The following BICD1 variants were observed in gnomAD, a reference collection of about 807,000 sequenced individuals.
The protein encoded by BICD1 is BICD cargo adaptor 1.
A neutral mutation model predicts 92.5 loss-of-function variants in BICD1; 35 were observed. The observed-to-expected ratio is 0.38, with a 90% CI of 0.29 to 0.50. The LOEUF is 0.50. Ranked by LOEUF, BICD1 falls within the 20% of genes least tolerant of loss-of-function variation. The probability of loss-of-function intolerance (pLI) is 0.93; values close to 1 mark genes in which losing one functional copy is unlikely to be tolerated. For missense variants in BICD1, 950 were observed against 1,189.8 expected, an observed-to-expected ratio of 0.80 and a Z score of 2.97; for synonymous variants, 429 against 465.1, an observed-to-expected ratio of 0.92 and a Z score of 1.00.
intron 1 of BICD1, among the ~76,000 whole-genome samples, chr12:32,135,061 C>CCTCCCCTCCCCCT (rs1163492446): frequency 8.0e-6 from 1 of 125,188 alleles, no homozygotes; most frequent in African/African-American, 3.1e-5. Flanking sequence ...CCTCCATTCC[C>CCTCCCCTCCCCCT]CTCCCCTCCC....
At chr12:32,168,958 A>G (rs894958085) in intron 1 of BICD1, among the ~76,000 whole-genome samples, 3 of 13,306 alleles carry the variant, frequency 2.3e-4, no homozygotes, top group Non-Finnish European at 2.7e-4. Flanking sequence ...GCGAAACTTC[A>G]TCTCAAACAA....
chr12:32,357,053 C>T (rs1939142853), intron 8 of BICD1, among the ~76,000 whole-genome samples: 1 of 145,158 alleles, frequency 6.9e-6, no homozygotes, highest in Non-Finnish European at 1.5e-5. Context: ...CTCTTGTTGC[C>T]CAAGCTGGAG....
intron 2 of BICD1, among the ~76,000 whole-genome samples, chr12:32,229,178 G>C (rs1025577887): frequency 3.3e-5 from 5 of 152,174 alleles, no homozygotes; most frequent in African/African-American, 1.2e-4. Flanking sequence ...TTGAACCCGG[G>C]AGGTGGAGGT....
chr12:32,111,732 G>A (rs920094454), intron 1 of BICD1, among the ~76,000 whole-genome samples: 1 of 150,508 alleles, frequency 6.6e-6, no homozygotes, highest in South Asian at 2.1e-4. Context: ...CTCAGCCTCC[G>A]GAGTAGCTGA....
intron 4 of BICD1, among the ~76,000 whole-genome samples, chr12:32,321,571 A>C (rs1314175434): frequency 6.6e-6 from 1 of 152,220 alleles, no homozygotes; most frequent in Non-Finnish European, 1.5e-5. Flanking sequence ...TCACTACAGA[A>C]GATTATAATA....
intron 4 of BICD1, among the ~76,000 whole-genome samples, chr12:32,326,395 T>G (rs1350946538): frequency 6.6e-6 from 1 of 152,242 alleles, no homozygotes; most frequent in Non-Finnish European, 1.5e-5. Flanking sequence ...CAATTTCTTA[T>G]ATACCTATGT....
intron 2 of BICD1, among the ~76,000 whole-genome samples, chr12:32,240,707 T>C (rs1946212935): frequency 6.6e-6 from 1 of 152,182 alleles, no homozygotes; most frequent in African/African-American, 2.4e-5. Context: ...TGGGGACCAA[T>C]ACTCAGCCAC....
intron 2 of BICD1, among the ~76,000 whole-genome samples, chr12:32,221,120 C>G (rs1306278810): frequency 6.6e-6 from 1 of 150,382 alleles, no homozygotes; most frequent in Non-Finnish European, 1.5e-5. Flanking sequence ...GGAGGGATAT[C>G]TTTAGGAGAT....
intron 8 of BICD1, among the ~76,000 whole-genome samples, chr12:32,351,898 G>C (rs1250058696): frequency 6.9e-6 from 1 of 145,800 alleles, no homozygotes; most frequent in East Asian, 2.0e-4. Context: ...TACAGAGCGA[G>C]ACTCTGTCTC....
At chr12:32,369,812 T>A (rs964477536) in intron 9 of BICD1, among the ~76,000 whole-genome samples, 1 of 151,932 alleles carries the variant, frequency 6.6e-6, no homozygotes, top group Non-Finnish European at 1.5e-5. Flanking sequence ...AAGCTGAGGT[T>A]GGAGGGTCAC....
intron 1 of BICD1, among the ~76,000 whole-genome samples, chr12:32,199,633 A>G (rs920621462): frequency 6.6e-6 from 1 of 152,224 alleles, no homozygotes; most frequent in Non-Finnish European, 1.5e-5. Context: ...ATCTAAAGAC[A>G]TAAGTGATTA....
intron 2 of BICD1, among the ~76,000 whole-genome samples, chr12:32,258,920 G>A (rs544865891): frequency 3.9e-5 from 6 of 152,184 alleles, no homozygotes; most frequent in Non-Finnish European, 5.9e-5. Flanking sequence ...GATGACTGCG[G>A]GCAGGAATGG....
chr12:32,189,364 A>G (rs7316211), intron 1 of BICD1, among the ~76,000 whole-genome samples: 114,342 of 152,100 alleles, frequency 0.75, 43,061 homozygotes, highest in Admixed American at 0.79. Flanking sequence ...TAACCAGCCT[A>G]TGGTAATGTC....
chr12:32,339,599 T>C, intron 8 of BICD1: 4 of 985,370 alleles, frequency 4.1e-6, no homozygotes, highest in Non-Finnish European at 3.6e-6. Context: ...TTCCTTCCTT[T>C]CATTCTTTTT....
intron 2 of BICD1, among the ~76,000 whole-genome samples, chr12:32,269,978 C>G (rs1947093883): frequency 6.6e-6 from 1 of 151,754 alleles, no homozygotes; most frequent in Non-Finnish European, 1.5e-5. Context: ...AAAAATTAGC[C>G]AGGCGTGGTG....
At chr12:32,333,054 A>G in intron 5 of BICD1, 11 of 985,250 alleles carry the variant, frequency 1.1e-5, no homozygotes, top group Non-Finnish European at 1.3e-5. Context: ...ATGATTTTGT[A>G]TTTCTGTTTC....
chr12:32,343,360 T>TTCC (rs550977373), intron 8 of BICD1, among the ~76,000 whole-genome samples: 6 of 152,006 alleles, frequency 3.9e-5, no homozygotes, highest in Non-Finnish European at 7.4e-5. Context: ...CCGTCCCCTC[T>TTCC]TCCTCCTCCT....
rs1279120028 is a variant in BICD1, at chr12:32,348,751, T to A, written c.2764+9772T>A. ...ATATATATATATATATATATATATA[T>A]ATATATATATATATATATATATATA... On this transcript the variant is annotated intron_variant, in intron 8 of 9. Transcript: ENST00000652176. Among the ~76,000 whole-genome samples, 85 of 23,060 alleles carry A rather than the reference T, an allele frequency of 3.7e-3. 6 individuals carry two copies. The highest frequency in any genetic ancestry group is 2.6e-3 in the Non-Finnish European group (35 of 13,470). The allele number at this position is 23,060 out of a possible 152,430, so 15.1% of individuals were successfully genotyped here. A position where few individuals can be genotyped will look rare whatever the true frequency, so the allele number is the denominator to read the frequency against.
intron 2 of BICD1, among the ~76,000 whole-genome samples, chr12:32,288,767 G>T (rs1373226050): frequency 6.6e-6 from 1 of 151,862 alleles, no homozygotes. Context: ...TTGGGAGACT[G>T]AGGCACAAGA....
Sources: gnomAD v4.1 joint callset for allele counts (sites outside exome capture counted in the v4.1 genomes callset) on GRCh38, gnomAD v4.1.1 for gene constraint, MANE v1.5 for transcripts, NCBI Gene and HGNC (gene_info 2026-07-23, HGNC 2026-07-21) for gene names.